Variants in NIM1K observed in about 807,000 individuals in gnomAD.
NIM1K encodes the protein NIM1 serine/threonine protein kinase.
NIM1K carries 35 observed loss-of-function variants against 37.1 expected under a neutral mutation model. That is an observed-to-expected ratio of 0.94 (90% CI 0.72 to 1.25). The LOEUF (loss-of-function observed/expected upper bound fraction) is 1.25. NIM1K is among the 50% of genes most tolerant of loss of function. NIM1K has a pLI of 0.00. For missense variants in NIM1K, 564 were observed against 548.0 expected (o/e 1.03, Z -0.29); for synonymous variants, 234 against 206.6 (o/e 1.13, Z -1.14).
intron 2 of NIM1K, among the ~76,000 whole-genome samples, chr5:43,264,703 T>C (rs1003047829): frequency 7.9e-5 from 12 of 152,244 alleles, no homozygotes; most frequent in African/African-American, 2.9e-4. Context: ...TGATGCAGTT[T>C]TCTCCCTAGC....
intron 2 of NIM1K, among the ~76,000 whole-genome samples, chr5:43,258,312 A>G (rs1370510749): frequency 1.3e-5 from 2 of 152,192 alleles, no homozygotes; most frequent in Non-Finnish European, 1.5e-5. Flanking sequence ...ACAGTAATTC[A>G]TTGTATGAAT....
chr5:43,232,731 A>C, intron 1 of NIM1K: 1 of 1,264,682 alleles, frequency 7.9e-7, no homozygotes, highest in Non-Finnish European at 1.1e-6. Context: ...AGGTGAACCC[A>C]GAACCAATTC....
intron 2 of NIM1K, among the ~76,000 whole-genome samples, chr5:43,260,876 T>A (rs987254851): frequency 1.3e-5 from 2 of 152,180 alleles, no homozygotes; most frequent in Non-Finnish European, 2.9e-5. Flanking sequence ...TTTTCTGTCC[T>A]TGCGATAGTT....
At position 43,280,640 on chromosome 5, in the gene NIM1K, C is replaced by T; in HGVS notation, c.1222C>T (p.Leu408=). The T allele has an allele frequency of 3.7e-6, 6 of 1,613,994 alleles. No homozygotes were observed. Among genetic ancestry groups the T allele is most frequent in the Non-Finnish European group, 4.2e-6 (5 of 1,179,956 alleles). The change falls in exon 4 of 4, where the codon CTA becomes TTA. Residue 408 remains leucine, a synonymous_variant. Coordinates refer to ENST00000326035, the MANE Select transcript of NIM1K (RefSeq NM_153361.4). ...KALESVPVMM[L]PDPKERDLKK... ...TTTGGAAAGTGTCCCAGTCATGATG[C>T]TACCAGACCCTAAAGAAAGAGACCT...
chr5:43,209,649 C>A (rs545296400), intron 1 of NIM1K, among the ~76,000 whole-genome samples: 1 of 151,810 alleles, frequency 6.6e-6, no homozygotes, highest in South Asian at 2.1e-4. Flanking sequence ...CACAGAGTCT[C>A]GCTCTGTTGC....
intron 1 of NIM1K, among the ~76,000 whole-genome samples, chr5:43,231,543 A>T (rs373656583): frequency 2.7e-5 from 4 of 147,764 alleles, no homozygotes; most frequent in Admixed American, 6.8e-5. Flanking sequence ...AAGATTTTTT[A>T]AAAGTATTAT....
intron 1 of NIM1K, among the ~76,000 whole-genome samples, chr5:43,234,316 C>T (rs1354129073): frequency 1.3e-5 from 2 of 152,146 alleles, no homozygotes; most frequent in African/African-American, 4.8e-5. Flanking sequence ...TGTAAAACGC[C>T]TAGCATCTTA....
chr5:43,258,647 T>C (rs1305713663), intron 2 of NIM1K, among the ~76,000 whole-genome samples: 2 of 152,166 alleles, frequency 1.3e-5, no homozygotes, highest in Admixed American at 1.3e-4. Flanking sequence ...CCTGCTATGT[T>C]GCCCAGACTG....
chr5:43,235,021 C>CT (rs1447871015), intron 1 of NIM1K, among the ~76,000 whole-genome samples: 2 of 152,124 alleles, frequency 1.3e-5, no homozygotes, highest in Non-Finnish European at 2.9e-5. Context: ...TTAATGAAAC[C>CT]TTTTTAACCA....
chr5:43,276,182 C>T (rs540953515), intron 2 of NIM1K, among the ~76,000 whole-genome samples: 6 of 152,202 alleles, frequency 3.9e-5, no homozygotes, highest in Admixed American at 2.0e-4. Flanking sequence ...CGTGAGCTGC[C>T]GCGCCCAGCC....
intron 2 of NIM1K, among the ~76,000 whole-genome samples, chr5:43,258,456 T>C (rs1312537598): frequency 6.6e-6 from 1 of 152,086 alleles, no homozygotes; most frequent in Non-Finnish European, 1.5e-5. Flanking sequence ...TTTTTTTTTT[T>C]TTTGAGGCAG....
intron 2 of NIM1K, among the ~76,000 whole-genome samples, chr5:43,265,764 C>T (rs1753137637): frequency 6.6e-6 from 1 of 152,144 alleles, no homozygotes; most frequent in African/African-American, 2.4e-5. Context: ...GTTTTATCTA[C>T]CTTTGGTCTT....
intron 1 of NIM1K, among the ~76,000 whole-genome samples, chr5:43,219,517 T>C (rs1025846749): frequency 2.0e-5 from 3 of 151,658 alleles, no homozygotes; most frequent in Admixed American, 6.6e-5. Context: ...CTGGGATTGC[T>C]GATGTGAGCC....
At chr5:43,271,660 T>C (rs1685611561) in intron 2 of NIM1K, among the ~76,000 whole-genome samples, 1 of 152,210 alleles carries the variant, frequency 6.6e-6, no homozygotes. Flanking sequence ...TCACTGATCT[T>C]ATTAAGATTT....
At chr5:43,277,811 T>TGAGAGAGA (rs1435200841) in intron 3 of NIM1K, among the ~76,000 whole-genome samples, 1 of 146,902 alleles carries the variant, frequency 6.8e-6, no homozygotes, top group African/African-American at 2.6e-5. Flanking sequence ...TGTGTGTGTG[T>TGAGAGAGA]GTGTGAGAGA....
chr5:43,265,375 A>T (rs1753128080), intron 2 of NIM1K, among the ~76,000 whole-genome samples: 1 of 151,978 alleles, frequency 6.6e-6, no homozygotes. Flanking sequence ...TTTGATCTTC[A>T]ATCACTGATA....
intron 2 of NIM1K, among the ~76,000 whole-genome samples, chr5:43,252,650 C>T (rs896576422): frequency 6.6e-6 from 1 of 151,954 alleles, no homozygotes; most frequent in African/African-American, 2.4e-5. Context: ...ATATGGGTCC[C>T]TGCTGGCTGG....
intron 1 of NIM1K, among the ~76,000 whole-genome samples, chr5:43,227,223 G>T (rs1752470641): frequency 6.6e-6 from 1 of 152,110 alleles, no homozygotes; most frequent in South Asian, 2.1e-4. Flanking sequence ...AGCCCGGCAT[G>T]GTGGCGCATG....
intron 1 of NIM1K, among the ~76,000 whole-genome samples, chr5:43,233,498 A>G (rs951216661): frequency 2.6e-5 from 4 of 152,196 alleles, no homozygotes; most frequent in African/African-American, 9.6e-5. Context: ...TTATGGTTTT[A>G]TGGTGATAAA....
Sources: allele counts gnomAD v4.1 joint callset (sites outside exome capture counted in the v4.1 genomes callset), GRCh38; gene constraint gnomAD v4.1.1; transcripts MANE v1.5; gene names NCBI Gene and HGNC (gene_info 2026-07-23, HGNC 2026-07-21).